The following EML6 variants were observed in gnomAD, a reference collection of about 807,000 sequenced individuals.
EML6 encodes EMAP like 6, also known as echinoderm microtubule-associated protein-like 6.
A neutral mutation model predicts 240.1 loss-of-function variants in EML6; 154 were observed. The ratio of observed to expected loss-of-function variants is 0.64; its 90% CI spans 0.56 to 0.73. The LOEUF is 0.73. EML6 is among the 30% of genes least tolerant of loss of function. The probability of loss-of-function intolerance (pLI) is 0.00; values close to 1 mark genes in which losing one functional copy is unlikely to be tolerated. For synonymous variants in EML6, 1,148 were observed against 899.0 expected, an observed-to-expected ratio of 1.28 and a Z score of -4.95; for missense variants, 2,964 against 2,474.6, an observed-to-expected ratio of 1.20 and a Z score of -4.20.
rs749453807 is a variant in EML6, at chr2:54,917,735, G to C, written c.3675+800G>C. ...TCCATTCCTCTAACAGCCGTCATCT[G>C]TAGTAAGATCACATTTGACTCCCCG... On this transcript the variant is annotated intron_variant, in intron 26 of 41. Coordinates refer to ENST00000356458, the MANE Select transcript of EML6 (RefSeq NM_001039753.4). Among the ~76,000 whole-genome samples the C allele has an allele frequency of 2.8e-4, 42 of 152,176 alleles. 1 individual carries two copies. The highest frequency in any genetic ancestry group is 8.8e-5 in the Non-Finnish European group (6 of 68,028).
chr2:54,949,842 A>G (rs769822427), intron 29 of EML6, among the ~76,000 whole-genome samples: 9 of 152,202 alleles, frequency 5.9e-5, no homozygotes, highest in Admixed American at 1.3e-4. Context: ...GGGACTTTCA[A>G]GCCCCTGTGT....
At chr2:54,744,392 G>A (rs1478659070) in intron 2 of EML6, among the ~76,000 whole-genome samples, 2 of 152,170 alleles carry the variant, frequency 1.3e-5, no homozygotes, top group South Asian at 4.1e-4. Context: ...ACATGTAGGT[G>A]ATTTCACATT....
chr2:54,733,504 A>G (rs1186713351), intron 2 of EML6, among the ~76,000 whole-genome samples: 1 of 152,206 alleles, frequency 6.6e-6, no homozygotes, highest in East Asian at 1.9e-4. Flanking sequence ...GGCACTGCAC[A>G]GTATCACGCA....
At chr2:54,923,856 C>T (rs1674398199) in intron 26 of EML6, among the ~76,000 whole-genome samples, 2 of 152,100 alleles carry the variant, frequency 1.3e-5, no homozygotes, top group South Asian at 4.2e-4. Context: ...ATAAATTTTA[C>T]CTGTTTAAGA....
chr2:54,741,515 C>T (rs985027248), intron 2 of EML6, among the ~76,000 whole-genome samples: 4 of 152,146 alleles, frequency 2.6e-5, no homozygotes, highest in African/African-American at 9.7e-5. Flanking sequence ...AGTGACACAT[C>T]AGCACCAGAA....
At position 54,812,437 on chromosome 2, in the gene EML6, G is replaced by C. The variant is rs141292885; in HGVS notation, c.198-795G>C. 1.9e-4 allele frequency among the ~76,000 whole-genome samples: 29 copies of C among 151,944 alleles called. 1 individual carries two copies. The highest frequency in any genetic ancestry group is 1.9e-3 in the Admixed American group (29 of 15,240). ...AGAAGTTTACACAATGAGCTAGTTT[G>C]CTATATAGGTAATGTGCTCTTGATT... On this transcript the variant is annotated intron_variant, in intron 2 of 41. Coordinates refer to ENST00000356458, the MANE Select transcript of EML6 (RefSeq NM_001039753.4).
intron 28 of EML6, among the ~76,000 whole-genome samples, chr2:54,938,543 A>T (rs1339603065): frequency 2.6e-5 from 4 of 152,150 alleles, no homozygotes; most frequent in Non-Finnish European, 4.4e-5. Context: ...CCTGAAACAC[A>T]TACCCAAATG....
chr2:54,848,524 T>TACACACACACAC (rs59587579), intron 9 of EML6, among the ~76,000 whole-genome samples: 11,648 of 145,706 alleles, frequency 0.08, 563 homozygotes, highest in East Asian at 0.25. Context: ...GCTTCCACAC[T>TACACACACACAC]ACACACACAC....
intron 26 of EML6, among the ~76,000 whole-genome samples, chr2:54,926,889 C>T (rs1216415080): frequency 1.3e-5 from 2 of 152,098 alleles, no homozygotes; most frequent in Admixed American, 1.3e-4. Flanking sequence ...ATCTAGAAAC[C>T]CTGTGTCCCT....
chr2:54,901,524 C>G (rs1673055064), intron 22 of EML6, among the ~76,000 whole-genome samples: 1 of 152,208 alleles, frequency 6.6e-6, no homozygotes, highest in South Asian at 2.1e-4. Context: ...ATTGACCCAT[C>G]TTAGATAGGA....
intron 28 of EML6, among the ~76,000 whole-genome samples, chr2:54,930,104 C>G (rs1674775311): frequency 6.6e-6 from 1 of 152,060 alleles, no homozygotes; most frequent in African/African-American, 2.4e-5. Context: ...AAAAAATTAC[C>G]CAGCCTTTCT....
intron 26 of EML6, among the ~76,000 whole-genome samples, chr2:54,917,366 T>G (rs561885500): frequency 2.7e-5 from 4 of 150,554 alleles, no homozygotes; most frequent in South Asian, 4.3e-4. Context: ...TTGTTTTTTT[T>G]TTTTTTTTTG....
At chr2:54,844,413 C>T (rs553748914) in intron 8 of EML6, among the ~76,000 whole-genome samples, 165 bp downstream of exon 8, 4 of 152,332 alleles carry the variant, frequency 2.6e-5, no homozygotes, top group African/African-American at 9.6e-5. Flanking sequence ...TTTGCTCCTG[C>T]TGTTGTCTTT....
intron 3 of EML6, among the ~76,000 whole-genome samples, chr2:54,815,786 AT>A (rs1323985279): frequency 6.6e-6 from 1 of 152,226 alleles, no homozygotes; most frequent in Non-Finnish European, 1.5e-5. Context: ...ACATGTATAC[AT>A]TTAACCATAT....
intron 2 of EML6, among the ~76,000 whole-genome samples, chr2:54,803,550 T>G (rs1459681415): frequency 6.6e-6 from 1 of 152,200 alleles, no homozygotes; most frequent in Non-Finnish European, 1.5e-5. Flanking sequence ...GTGAAGTGAT[T>G]ATCTTAAAGT....
chr2:54,840,906 G>A (rs1329615345), intron 7 of EML6, among the ~76,000 whole-genome samples: 2 of 152,200 alleles, frequency 1.3e-5, no homozygotes, highest in African/African-American at 2.4e-5. Flanking sequence ...TGATGATGCT[G>A]AAGAGCAAAG....
chr2:54,852,206 AC>A (rs1316101633), intron 10 of EML6, among the ~76,000 whole-genome samples: 1 of 152,106 alleles, frequency 6.6e-6, no homozygotes, highest in Non-Finnish European at 1.5e-5. Flanking sequence ...TATTTTTGTG[AC>A]CCCACCATAA....
chr2:54,753,461 T>A (rs1260751270), intron 2 of EML6, among the ~76,000 whole-genome samples: 1 of 152,014 alleles, frequency 6.6e-6, no homozygotes, highest in African/African-American at 2.4e-5. Context: ...TCCTTATAAG[T>A]GAGAGTGACA....
At chr2:54,804,093 G>C (rs1214608123) in intron 2 of EML6, among the ~76,000 whole-genome samples, 4 of 152,228 alleles carry the variant, frequency 2.6e-5, no homozygotes, top group Admixed American at 2.6e-4. Context: ...GAAAATGACT[G>C]TGTGCTACAC....
Sources: gnomAD v4.1 joint callset for allele counts (sites outside exome capture counted in the v4.1 genomes callset) on GRCh38, gnomAD v4.1.1 for gene constraint, MANE v1.5 for transcripts, NCBI Gene and HGNC (gene_info 2026-07-23, HGNC 2026-07-21) for gene names.